GRK3: variants seen among roughly 807,000 people sequenced by gnomAD.
GRK3 encodes the protein adrenergic, beta, receptor kinase 2.
GRK3 carries 54 observed loss-of-function variants against 95.7 expected under a neutral mutation model. The ratio of observed to expected loss-of-function variants is 0.56; its 90% CI spans 0.45 to 0.71. The LOEUF is 0.71. GRK3 is among the 30% of genes least tolerant of loss of function. The pLI, the probability that GRK3 is intolerant of heterozygous loss-of-function variation, is 0.00. For synonymous variants in GRK3, 281 were observed against 290.8 expected (o/e 0.97, Z 0.34); for missense variants, 649 against 851.2 (o/e 0.76, Z 2.96).
intron 1 of GRK3, among the ~76,000 whole-genome samples, chr22:25,579,663 G>A (rs1436642096): frequency 1.3e-5 from 2 of 151,772 alleles, no homozygotes; most frequent in Non-Finnish European, 2.9e-5. Flanking sequence ...TAGTAGAGAC[G>A]TGGTTTCACC....
At chr22:25,566,629 A>G (rs774031814) in intron 1 of GRK3, among the ~76,000 whole-genome samples, 3 of 152,208 alleles carry the variant, frequency 2.0e-5, no homozygotes, top group Admixed American at 6.5e-5. Flanking sequence ...TAACACCCCT[A>G]TTCCAGAGTG....
At chr22:25,707,059 T>G (rs534947743) in intron 15 of GRK3, among the ~76,000 whole-genome samples, 1 of 152,070 alleles carries the variant, frequency 6.6e-6, no homozygotes, top group East Asian at 1.9e-4. Flanking sequence ...TGGCCTCAAG[T>G]GATCTTCTCC....
chr22:25,699,312 G>C (rs1011184836), intron 13 of GRK3, among the ~76,000 whole-genome samples: 1 of 152,150 alleles, frequency 6.6e-6, no homozygotes, highest in East Asian at 1.9e-4. Context: ...CTGAGTGGAG[G>C]AGGAGATTGA....
intron 17 of GRK3, among the ~76,000 whole-genome samples, chr22:25,713,740 A>G (rs1011572787): frequency 4.6e-5 from 7 of 152,216 alleles, no homozygotes; most frequent in African/African-American, 1.7e-4. Flanking sequence ...CAGAAAGAAG[A>G]ATTTTGAATA....
chr22:25,703,350 C>G (rs3730115), intron 13 of GRK3, among the ~76,000 whole-genome samples, 160 bp from the exon 14 acceptor site: 3,990 of 152,252 alleles, frequency 0.026, 60 homozygotes, highest in African/African-American at 0.04. Flanking sequence ...CATTTATTCA[C>G]CAGTTCTTCC....
At position 25,647,796 on chromosome 22, in the gene GRK3, A is replaced by G. The variant is rs2084796617; in HGVS notation, c.264+3131A>G. The stretch of plus-strand genomic sequence containing the variant: ...GATTACTTCTGAATCCTGGAAATTA[A>G]TGAGGTATTTTCTTAGGAAGAGAGA... On this transcript the variant is annotated intron_variant, in intron 3 of 20. Coordinates refer to ENST00000324198, the MANE Select transcript of GRK3 (RefSeq NM_005160.4). The G allele has an allele frequency of 4.4e-6, 4 of 906,152 alleles. No individual in the cohort carries two copies. In the East Asian group the frequency reaches 9.9e-5, roughly 22 times the overall value. The allele number at this position is 906,152 out of a possible 1,614,324, so 56.1% of individuals were successfully genotyped here. A position where few individuals can be genotyped will look rare whatever the true frequency, so the allele number is the denominator to read the frequency against.
chr22:25,666,994 T>A (rs1029784712), intron 5 of GRK3, among the ~76,000 whole-genome samples: 2 of 152,180 alleles, frequency 1.3e-5, no homozygotes. Context: ...GAAGTTGAAG[T>A]AGATGGTAGT....
chr22:25,606,060 C>G (rs577026188), intron 2 of GRK3, among the ~76,000 whole-genome samples: 1 of 152,194 alleles, frequency 6.6e-6, no homozygotes, highest in African/African-American at 2.4e-5. Context: ...TTTTCCATAG[C>G]CTGGATTAAA....
At chr22:25,675,051 C>A (rs75698689) in intron 8 of GRK3, among the ~76,000 whole-genome samples, 6,468 of 152,180 alleles carry the variant, frequency 0.043, 175 homozygotes, top group Non-Finnish European at 0.062. Flanking sequence ...AACCTTGTAT[C>A]CTGTGCCCAA....
rs553997040 is a variant in GRK3 at position 25,591,707 on chromosome 22, T to C, written c.114-12670T>C. Among the ~76,000 whole-genome samples the C allele has an allele frequency of 2.9e-3, 447 of 152,368 alleles. 5 individuals carry two copies. In the Middle Eastern group the frequency reaches 0.031, roughly 10 times the overall value. Reference sequence around the variant, plus strand: ...TTTTATTATACCACATGCACCATCCTTAAAAGTTTGCTCCTGCCTCTTTGT... The same window carrying C: ...TTTTATTATACCACATGCACCATCCCTAAAAGTTTGCTCCTGCCTCTTTGT... On this transcript the variant is annotated intron_variant, in intron 1 of 20. Coordinates refer to ENST00000324198, the MANE Select transcript of GRK3 (RefSeq NM_005160.4).
intron 6 of GRK3, among the ~76,000 whole-genome samples, chr22:25,669,966 T>G (rs1458767551): frequency 6.6e-6 from 1 of 152,190 alleles, no homozygotes; most frequent in Non-Finnish European, 1.5e-5. Context: ...GGTTTTGCCT[T>G]TTGCATGCAC....
intron 13 of GRK3, among the ~76,000 whole-genome samples, chr22:25,697,739 C>G (rs1351172826): frequency 6.6e-6 from 1 of 151,454 alleles, no homozygotes; most frequent in Non-Finnish European, 1.5e-5. Context: ...TTTGAGCTAC[C>G]CAGTGAAGGA....
chr22:25,675,509 T>G (rs16980542), intron 8 of GRK3, among the ~76,000 whole-genome samples: 7,246 of 152,156 alleles, frequency 0.048, 196 homozygotes, highest in Middle Eastern at 0.12. Context: ...AAGCAAAAGA[T>G]AGTGGAAAAA....
At chr22:25,650,126 G>T (rs1162207230) in intron 3 of GRK3, among the ~76,000 whole-genome samples, 2 of 151,714 alleles carry the variant, frequency 1.3e-5, no homozygotes. Flanking sequence ...TGAGTAGCTG[G>T]GATTACAGGT....
chr22:25,680,951 T>G (rs920079693), intron 9 of GRK3, among the ~76,000 whole-genome samples: 2 of 145,796 alleles, frequency 1.4e-5, no homozygotes, highest in East Asian at 4.0e-4. Context: ...ACTGGAAGGT[T>G]TTTTTTTTTT....
rs368836254 is a variant in GRK3 at position 25,613,157 on chromosome 22, G to A, written c.190+8704G>A. On this transcript the variant is annotated intron_variant, in intron 2 of 20. Coordinates refer to ENST00000324198, the MANE Select transcript of GRK3 (RefSeq NM_005160.4). ...AGTTGAGGTTAAATTACAGCAAATA[G>A]AGCCGTCTTGCATAAGGTTGTAGAG... Among the ~76,000 whole-genome samples, 7 of 151,258 alleles carry A rather than the reference G, an allele frequency of 4.6e-5. No homozygotes were observed. In the East Asian group the frequency reaches 7.8e-4, roughly 17 times the overall value.
chr22:25,595,477 C>T (rs920011684), intron 1 of GRK3, among the ~76,000 whole-genome samples: 2 of 152,140 alleles, frequency 1.3e-5, no homozygotes, highest in South Asian at 2.1e-4. Context: ...CAACCAGCCA[C>T]ATTCTTTGAG....
intron 2 of GRK3, among the ~76,000 whole-genome samples, chr22:25,609,092 T>C (rs555868660): frequency 1.3e-5 from 2 of 152,222 alleles, no homozygotes; most frequent in Non-Finnish European, 2.9e-5. Context: ...TATGTTTGGT[T>C]TTAAGGGGAT....
chr22:25,699,990 GC>G (rs1300507898), intron 13 of GRK3, among the ~76,000 whole-genome samples: 1 of 152,160 alleles, frequency 6.6e-6, no homozygotes, highest in African/African-American at 2.4e-5. Flanking sequence ...GAGCCCCCGC[GC>G]CCGGCCGCTC....
Sources: gnomAD v4.1 joint callset for allele counts (sites outside exome capture counted in the v4.1 genomes callset) on GRCh38, gnomAD v4.1.1 for gene constraint, MANE v1.5 for transcripts, NCBI Gene and HGNC (gene_info 2026-07-23, HGNC 2026-07-21) for gene names.